Variants in GPR137C observed in about 807,000 individuals in gnomAD.
GPR137C encodes the protein G protein-coupled receptor 137C.
A neutral mutation model predicts 43.4 loss-of-function variants in GPR137C; 27 were observed. The observed-to-expected ratio is 0.62, with a 90% CI of 0.46 to 0.86. The LOEUF (loss-of-function observed/expected upper bound fraction) is 0.86, where lower values mean the gene tolerates loss of function less well. Ranked by LOEUF, GPR137C falls within the 40% of genes least tolerant of loss-of-function variation. The pLI, the probability that GPR137C is intolerant of heterozygous loss-of-function variation, is 0.00. For synonymous variants in GPR137C, 285 were observed against 226.9 expected (o/e 1.26, Z -2.30); for missense variants, 522 against 534.6 (o/e 0.98, Z 0.23).
chr14:52,553,222 GGGCAGCGGAGGCGGA>G lies in GPR137C; in HGVS notation c.79_93del (p.Ser27_Gly31del). On this transcript the variant is annotated inframe_deletion, in exon 1 of 7. Transcript: ENST00000321662. ...GCCGCGAGCCCTCCACGCCCGGCGG[GGGCAGCGGAGGCGGA>G]GGCGCCGTCGCTGCAGCCTCAGGCG... 7.8e-7 allele frequency: 1 copy of G among 1,283,574 alleles called. No homozygotes were observed. Among genetic ancestry groups the G allele is most frequent in the African/African-American group, 1.5e-5 (1 of 64,668 alleles). The allele number at this position is 1,283,574 out of a possible 1,614,324, so 79.5% of individuals were successfully genotyped here.
At chr14:52,565,758 T>A (rs1444371471) in intron 1 of GPR137C, among the ~76,000 whole-genome samples, 2 of 152,182 alleles carry the variant, frequency 1.3e-5, no homozygotes, top group African/African-American at 4.8e-5. Flanking sequence ...TTCTAAAAAT[T>A]AAGTGTCCTT....
chr14:52,585,239 G>T (rs951061289), intron 1 of GPR137C, among the ~76,000 whole-genome samples: 1 of 152,088 alleles, frequency 6.6e-6, no homozygotes, highest in African/African-American at 2.4e-5. Flanking sequence ...AATTTTCTGT[G>T]CAGACCTCCA....
chr14:52,630,850 A>C (rs932034724), intron 3 of GPR137C, among the ~76,000 whole-genome samples: 3 of 152,184 alleles, frequency 2.0e-5, no homozygotes, highest in African/African-American at 7.2e-5. Context: ...ATAAAAGGAG[A>C]GCAATTAATA....
rs186423249 is a variant in GPR137C at position 52,636,790 on chromosome 14, C to G, written c.*1675C>G. The G allele has an allele frequency of 6.6e-6, 1 of 152,064 alleles. No individual in the cohort carries two copies. Among genetic ancestry groups the G allele is most frequent in the Non-Finnish European group, 1.5e-5 (1 of 67,982 alleles). The allele number at this position is 152,064 out of a possible 1,614,324, so 9.4% of individuals were successfully genotyped here. On this transcript the variant is annotated 3_prime_UTR_variant, in exon 7 of 7. Transcript: ENST00000321662. ...TTATTTTGGGTTTGTTTATAATTCT[C>G]TCATTGTAACCAAATTATTTTAAAA...
Position 52,575,149 on chromosome 14 carries a change from C to T in GPR137C, c.444+21558C>T, listed in dbSNP as rs148508204. On this transcript the variant is annotated intron_variant, in intron 1 of 6. Transcript: ENST00000321662. ...GTTCATAGTAATTAGTTATATTTTA[C>T]AGAGATTTTTAGTAACAAAAGCTCA... Among the ~76,000 whole-genome samples the T allele has an allele frequency of 6.4e-3, 968 of 152,250 alleles. 6 individuals are homozygous for T. The highest frequency in any genetic ancestry group is 0.022 in the African/African-American group (896 of 41,532).
chr14:52,625,977 A>C (rs566116425), intron 3 of GPR137C, among the ~76,000 whole-genome samples: 116 of 152,332 alleles, frequency 7.6e-4, no homozygotes, highest in African/African-American at 2.5e-3. Context: ...ACTAACCTTG[A>C]ATTGAAAATA....
intron 3 of GPR137C, among the ~76,000 whole-genome samples, chr14:52,622,659 T>TA (rs780322185): frequency 1.8e-4 from 28 of 151,854 alleles, no homozygotes; most frequent in Non-Finnish European, 3.4e-4. Flanking sequence ...GTCTGTCAGG[T>TA]AAAAAATGGT....
chr14:52,598,162 C>T (rs1374687676), intron 1 of GPR137C, 110 bp from the exon 2 acceptor site: 22 of 439,778 alleles, frequency 5.0e-5, no homozygotes, highest in South Asian at 1.3e-4. Flanking sequence ...TTCAACTTTG[C>T]GTGCTATATG....
intron 1 of GPR137C, among the ~76,000 whole-genome samples, chr14:52,571,089 G>T (rs1450845120): frequency 1.3e-5 from 2 of 152,220 alleles, no homozygotes; most frequent in Non-Finnish European, 2.9e-5. Context: ...GTAATTGGAA[G>T]TAAAACATTC....
At chr14:52,586,776 A>G (rs2038719055) in intron 1 of GPR137C, among the ~76,000 whole-genome samples, 1 of 152,184 alleles carries the variant, frequency 6.6e-6, no homozygotes, top group African/African-American at 2.4e-5. Flanking sequence ...CCTAGATGTA[A>G]TACATTTTAA....
At chr14:52,592,133 G>T (rs2038792432) in intron 1 of GPR137C, among the ~76,000 whole-genome samples, 1 of 152,176 alleles carries the variant, frequency 6.6e-6, no homozygotes. Context: ...TCAGATGGTT[G>T]TAGATGTGGG....
intron 3 of GPR137C, among the ~76,000 whole-genome samples, chr14:52,618,905 G>C (rs750340508): frequency 6.6e-6 from 1 of 151,956 alleles, no homozygotes. Context: ...AAGCTTTTAG[G>C]CTTATATATC....
Position 52,634,807 on chromosome 14 carries a change from C to T in GPR137C, c.1113-131C>T, listed in dbSNP as rs2039333670. Reference sequence around the variant, plus strand: ...TGTAGAAAAGCATTTTGTTATTTGACAAAGAACATATTTCAATGTATTTGA... The same window carrying T: ...TGTAGAAAAGCATTTTGTTATTTGATAAAGAACATATTTCAATGTATTTGA... On this transcript the variant is annotated intron_variant, in intron 6 of 6. Coordinates refer to ENST00000321662, the MANE Select transcript of GPR137C (RefSeq NM_001099652.2). The T allele has an allele frequency of 4.8e-5, 35 of 725,690 alleles. 1 individual carries two copies. In the South Asian group the frequency reaches 6.3e-4, roughly 13 times the overall value. 45.0% of individuals were successfully genotyped at this position (725,690 alleles called of 1,614,324 possible). A position where few individuals can be genotyped will look rare whatever the true frequency, so the allele number is the denominator to read the frequency against.
rs2039347298 is a variant in GPR137C, at chr14:52,635,833, G to C, written c.*718G>C. 1 of 152,086 alleles carries C rather than the reference G, an allele frequency of 6.6e-6. No homozygotes were observed. Among genetic ancestry groups the C allele is most frequent in the African/African-American group, 2.4e-5 (1 of 41,426 alleles). 9.4% of individuals were successfully genotyped at this position (152,086 alleles called of 1,614,324 possible). A position where few individuals can be genotyped will look rare whatever the true frequency, so the allele number is the denominator to read the frequency against. ...GGTCAGTTGATTATTTTGTGTAATT[G>C]AGATATATGTAGTAGTTTAAGCATG... is the stretch of plus-strand genomic sequence containing the variant. On this transcript the variant is annotated 3_prime_UTR_variant, in exon 7 of 7. Transcript: ENST00000321662.
chr14:52,601,006 C>G (rs1198008939), intron 3 of GPR137C, among the ~76,000 whole-genome samples: 9 of 152,102 alleles, frequency 5.9e-5, no homozygotes, highest in Admixed American at 2.0e-4. Flanking sequence ...TTTATAAATG[C>G]CTTGCTTCTC....
At chr14:52,624,231 A>G (rs568651080) in intron 3 of GPR137C, among the ~76,000 whole-genome samples, 4 of 150,634 alleles carry the variant, frequency 2.7e-5, no homozygotes, top group South Asian at 4.2e-4. Flanking sequence ...AAAAAAAAAG[A>G]AAGAACAAGG....
chr14:52,561,317 T>C (rs570914574), intron 1 of GPR137C, among the ~76,000 whole-genome samples: 17 of 152,312 alleles, frequency 1.1e-4, no homozygotes, highest in African/African-American at 3.6e-4. Flanking sequence ...AAAATCTAGC[T>C]GTTACAGAAG....
chr14:52,595,052 G>T (rs776322419), intron 1 of GPR137C, among the ~76,000 whole-genome samples: 14 of 152,132 alleles, frequency 9.2e-5, no homozygotes, highest in Admixed American at 6.5e-5. Context: ...GTCTGTAAAG[G>T]ATTTTATTTC....
In GPR137C at chr14:52,581,976, G is replaced by A. The variant is rs76649315; in HGVS notation, c.445-16296G>A. On this transcript the variant is annotated intron_variant, in intron 1 of 6. Transcript: ENST00000321662. The stretch of plus-strand genomic sequence containing the variant: ...CTACATGTCATGGGTGAAAATAAAC[G>A]ATACACAGCTCCAGTGTAACCCTCT... 4.8e-3 allele frequency among the ~76,000 whole-genome samples: 724 copies of A among 152,248 alleles called. 14 individuals are homozygous for A. Among genetic ancestry groups the A allele is most frequent in the Admixed American group, 0.039 (595 of 15,290 alleles).
Sources: allele counts gnomAD v4.1 joint callset (sites outside exome capture counted in the v4.1 genomes callset), GRCh38; gene constraint gnomAD v4.1.1; transcripts MANE v1.5; gene names NCBI Gene and HGNC (gene_info 2026-07-23, HGNC 2026-07-21).